Variants in JAKMIP2 observed in about 807,000 individuals in gnomAD.
The protein encoded by JAKMIP2 is janus kinase and microtubule-interacting protein 2.
Under a neutral mutation model 115.0 loss-of-function variants are expected in JAKMIP2, and 25 were observed. That is an observed-to-expected ratio of 0.22 (90% CI 0.16 to 0.30). The LOEUF (loss-of-function observed/expected upper bound fraction) is 0.30, where lower values mean the gene tolerates loss of function less well. Among genes scored for constraint, JAKMIP2 ranks in the 10% least tolerant of loss-of-function variants. JAKMIP2 has a pLI of 1.00. For synonymous variants in JAKMIP2, 334 were observed against 343.6 expected (o/e 0.97, Z 0.31); for missense variants, 642 against 957.6 (o/e 0.67, Z 4.35).
rs927018481 is a variant in JAKMIP2, at chr5:147,707,620, G to A, written c.-148-35666C>T. Among the ~76,000 whole-genome samples, 5 of 151,916 alleles carry A rather than the reference G, an allele frequency of 3.3e-5. No homozygotes were observed. The East Asian group carries it at 9.7e-4, about 29-fold the overall frequency. On this transcript the variant is annotated intron_variant, in intron 1 of 21. Transcript: ENST00000616793. Reference sequence around the variant, plus strand: ...TAGCTACCAGTGTTTCCCTAGCATTGGTACACTCTCCCTGGTAACATATCC... The same window carrying A: ...TAGCTACCAGTGTTTCCCTAGCATTAGTACACTCTCCCTGGTAACATATCC...
intron 5 of JAKMIP2, 35 bp downstream of exon 5, chr5:147,648,338 TAAC>T (rs1482115320): frequency 4.7e-6 from 5 of 1,061,864 alleles, no homozygotes; most frequent in Admixed American, 1.7e-5. Context: ...ACATAATGCT[TAAC>T]AACAACATCA....
chr5:147,727,282 A>C (rs962022567), intron 1 of JAKMIP2, among the ~76,000 whole-genome samples: 3 of 152,206 alleles, frequency 2.0e-5, no homozygotes, highest in African/African-American at 7.2e-5. Context: ...ATTTTTGGTA[A>C]AGTTTAAAAG....
chr5:147,664,955 C>A (rs1759220203), intron 2 of JAKMIP2, among the ~76,000 whole-genome samples: 1 of 152,126 alleles, frequency 6.6e-6, no homozygotes, highest in South Asian at 2.1e-4. Context: ...CAGATCAGCC[C>A]CTCCTCAACC....
intron 21 of JAKMIP2, among the ~76,000 whole-genome samples, chr5:147,598,041 C>A (rs1185913638): frequency 6.6e-6 from 1 of 151,652 alleles, no homozygotes; most frequent in African/African-American, 2.4e-5. Context: ...TTTTGTCGCC[C>A]AGGCTGGAAT....
intron 21 of JAKMIP2, among the ~76,000 whole-genome samples, chr5:147,599,652 A>C (rs2126576869): frequency 6.6e-6 from 1 of 152,326 alleles, no homozygotes; most frequent in East Asian, 1.9e-4. Flanking sequence ...CCAGTAGCTA[A>C]GTAGTACTAT....
At chr5:147,715,667 A>G (rs2126923433) in intron 1 of JAKMIP2, among the ~76,000 whole-genome samples, 1 of 152,028 alleles carries the variant, frequency 6.6e-6, no homozygotes. Flanking sequence ...ACTTAAAGGA[A>G]AAATTGACCA....
At chr5:147,645,226 T>C (rs1427770776) in intron 5 of JAKMIP2, among the ~76,000 whole-genome samples, 1 of 152,156 alleles carries the variant, frequency 6.6e-6, no homozygotes, top group Non-Finnish European at 1.5e-5. Flanking sequence ...TATCAATCCA[T>C]TGTCTTAAGG....
chr5:147,673,510 C>T (rs1271517735), intron 1 of JAKMIP2, among the ~76,000 whole-genome samples: 2 of 151,976 alleles, frequency 1.3e-5, no homozygotes, highest in Admixed American at 6.6e-5. Flanking sequence ...TGGAGTGTGT[C>T]CCTGGGGGAA....
At chr5:147,757,326 C>A (rs1317440700) in intron 1 of JAKMIP2, among the ~76,000 whole-genome samples, 3 of 152,082 alleles carry the variant, frequency 2.0e-5, no homozygotes, top group Non-Finnish European at 2.9e-5. Flanking sequence ...TATCTTAGTT[C>A]TTGATGATGG....
intron 1 of JAKMIP2, among the ~76,000 whole-genome samples, chr5:147,709,003 T>G (rs138593420): frequency 6.6e-6 from 1 of 152,332 alleles, no homozygotes; most frequent in Non-Finnish European, 1.5e-5. Flanking sequence ...CCTCTCAATG[T>G]ATCCAGTTGT....
At chr5:147,759,934 G>T (rs973281172) in intron 1 of JAKMIP2, among the ~76,000 whole-genome samples, 1 of 152,028 alleles carries the variant, frequency 6.6e-6, no homozygotes, top group Admixed American at 6.6e-5. Context: ...GCCCTACATG[G>T]GAAGGTGGCA....
At chr5:147,641,825 T>G (rs1160516389) in intron 7 of JAKMIP2, 61 bp from the exon 8 acceptor site, 3 of 1,381,822 alleles carry the variant, frequency 2.2e-6, no homozygotes, top group Non-Finnish European at 3.1e-6. Context: ...TATAGTTTTT[T>G]GCAAAGACAG....
intron 21 of JAKMIP2, among the ~76,000 whole-genome samples, chr5:147,596,571 C>T (rs1755399124): frequency 6.6e-6 from 1 of 152,098 alleles, no homozygotes; most frequent in African/African-American, 2.4e-5. Context: ...TATTCATTTT[C>T]CCAGCTATTC....
chr5:147,741,445 A>G (rs1250936974), intron 1 of JAKMIP2, among the ~76,000 whole-genome samples: 2 of 152,110 alleles, frequency 1.3e-5, no homozygotes, highest in Non-Finnish European at 2.9e-5. Flanking sequence ...AAATGAATAT[A>G]TATAACTTGT....
At chr5:147,709,616 C>T (rs746902962) in intron 1 of JAKMIP2, among the ~76,000 whole-genome samples, 1 of 151,974 alleles carries the variant, frequency 6.6e-6, no homozygotes, top group Non-Finnish European at 1.5e-5. Context: ...TTTGGAAGGC[C>T]GAGGCGGGTG....
intron 1 of JAKMIP2, among the ~76,000 whole-genome samples, chr5:147,709,570 G>T (rs576023658): frequency 6.6e-6 from 1 of 152,142 alleles, no homozygotes. Context: ...ATCATTCTAG[G>T]CCGGGTGGGG....
Position 147,644,926 on chromosome 5 carries a change from C to T in JAKMIP2, c.1007G>A (p.Arg336Lys). The stretch of plus-strand genomic sequence containing the variant: ...CAAGGACACCATCAGTTCATCGTTT[C>T]TCTTGGCGAGGCACTTGTTCCTTTC... The part of the protein sequence containing the change: ...LLERNKCLAK[R>K]NDELMVSLQR... Residue 336 changes from arginine to lysine, a missense_variant, in exon 6 of 22, where the codon AGA becomes AAA. Around this residue, in one of 6 missense-constraint regions of JAKMIP2, gnomAD observed 439 missense variants for 570.9 expected, o/e 0.77. Transcript: ENST00000616793. The T allele has an allele frequency of 6.2e-7, 1 of 1,613,856 alleles. No homozygotes were observed. The highest frequency in any genetic ancestry group is 1.6e-4 in the Middle Eastern group (1 of 6,062).
intron 21 of JAKMIP2, chr5:147,595,510 C>T (rs1755330965): frequency 6.6e-6 from 3 of 455,430 alleles, no homozygotes; most frequent in Non-Finnish European, 1.3e-5. Context: ...CCTGCTGGTG[C>T]CTCGATCTTC....
intron 3 of JAKMIP2, among the ~76,000 whole-genome samples, chr5:147,658,874 T>A (rs1758818391): frequency 6.6e-6 from 1 of 151,802 alleles, no homozygotes; most frequent in African/African-American, 2.4e-5. Context: ...CGGTCACTCC[T>A]CCCCCCACCA....
Sources: allele counts gnomAD v4.1 joint callset (sites outside exome capture counted in the v4.1 genomes callset), GRCh38; gene constraint gnomAD v4.1.1; regional missense constraint gnomAD v4.1.1; transcripts MANE v1.5; gene names NCBI Gene and HGNC (gene_info 2026-07-23, HGNC 2026-07-21).